Variants in LRRTM4 observed in about 807,000 individuals in gnomAD.
LRRTM4 encodes leucine-rich repeat transmembrane neuronal protein 4.
A neutral mutation model predicts 47.6 loss-of-function variants in LRRTM4; 25 were observed. The ratio of observed to expected loss-of-function variants is 0.53; its 90% CI spans 0.38 to 0.73. The LOEUF (loss-of-function observed/expected upper bound fraction) is 0.73. LRRTM4 is among the 30% of genes least tolerant of loss of function. The probability of loss-of-function intolerance (pLI) is 0.00; values close to 1 mark genes in which losing one functional copy is unlikely to be tolerated. For missense variants in LRRTM4, 638 were observed against 713.4 expected (o/e 0.89, Z 1.20); for synonymous variants, 311 against 269.5 (o/e 1.15, Z -1.51).
intron 3 of LRRTM4, among the ~76,000 whole-genome samples, chr2:76,867,583 T>C (rs944226210): frequency 6.6e-6 from 1 of 152,174 alleles, no homozygotes; most frequent in African/African-American, 2.4e-5. Flanking sequence ...GGCTTTTCAG[T>C]TGAAGAGATA....
chr2:76,893,735 A>G (rs1289296461), intron 3 of LRRTM4, among the ~76,000 whole-genome samples: 1 of 151,850 alleles, frequency 6.6e-6, no homozygotes, highest in Non-Finnish European at 1.5e-5. Context: ...GAGGTAGAAC[A>G]GATTTCAGCT....
intron 3 of LRRTM4, among the ~76,000 whole-genome samples, chr2:76,795,322 GTTCATCT>G (rs1675220125): frequency 6.6e-6 from 1 of 151,020 alleles, no homozygotes; most frequent in Admixed American, 6.6e-5. Context: ...TATATATGTA[GTTCATCT>G]TTCATGTCTG....
chr2:76,963,252 C>A (rs1675919555), intron 3 of LRRTM4, among the ~76,000 whole-genome samples: 1 of 150,620 alleles, frequency 6.6e-6, no homozygotes, highest in Admixed American at 6.6e-5. Context: ...AGACTACAAA[C>A]CAAGGGTCAA....
intron 3 of LRRTM4, among the ~76,000 whole-genome samples, chr2:76,750,176 C>A (rs778709445): frequency 2.0e-4 from 30 of 152,208 alleles, no homozygotes; most frequent in Non-Finnish European, 3.5e-4. Flanking sequence ...CTGGCTATAT[C>A]AATTTATTCC....
intron 3 of LRRTM4, among the ~76,000 whole-genome samples, chr2:77,046,383 C>A (rs187164874): frequency 2.0e-5 from 3 of 151,848 alleles, no homozygotes; most frequent in Non-Finnish European, 4.4e-5. Context: ...GATTTTTTTT[C>A]TAGAAAAATA....
At chr2:76,943,108 TCA>T (rs1177685737) in intron 3 of LRRTM4, among the ~76,000 whole-genome samples, 1 of 152,172 alleles carries the variant, frequency 6.6e-6, no homozygotes, top group African/African-American at 2.4e-5. Context: ...AGCCCTGCCT[TCA>T]CACTAGAATT....
intron 3 of LRRTM4, among the ~76,000 whole-genome samples, chr2:76,976,104 C>A (rs1042714894): frequency 6.6e-6 from 1 of 151,672 alleles, no homozygotes; most frequent in Non-Finnish European, 1.5e-5. Flanking sequence ...GGGTTTTAAA[C>A]CTTTATACAA....
chr2:76,973,340 A>T (rs1403204411), intron 3 of LRRTM4, among the ~76,000 whole-genome samples: 1 of 151,998 alleles, frequency 6.6e-6, no homozygotes, highest in African/African-American at 2.4e-5. Flanking sequence ...TCCCAATTAG[A>T]TTGAATAGCT....
chr2:77,017,230 C>T (rs1249575073), intron 3 of LRRTM4, among the ~76,000 whole-genome samples: 1 of 152,082 alleles, frequency 6.6e-6, no homozygotes, highest in East Asian at 1.9e-4. Flanking sequence ...AAGGCCTGAC[C>T]TCCTGTTGTT....
chr2:77,360,576 A>G (rs1672171581), intron 3 of LRRTM4, among the ~76,000 whole-genome samples: 1 of 151,970 alleles, frequency 6.6e-6, no homozygotes, highest in Admixed American at 6.6e-5. Flanking sequence ...ATACATACAT[A>G]CATACATACA....
In LRRTM4 at chr2:77,425,141, A is replaced by C. The variant is rs562197940; in HGVS notation, c.1551+93177T>G. Among the ~76,000 whole-genome samples the C allele has an allele frequency of 2.0e-5, 3 of 150,914 alleles. No homozygotes were observed. In the East Asian group the frequency reaches 5.8e-4, roughly 29 times the overall value. On this transcript the variant is annotated intron_variant, in intron 3 of 3. Coordinates refer to ENST00000409884, the MANE Select transcript of LRRTM4 (RefSeq NM_001134745.3). ...TTAAAGATTTTCATTTATATTCCTT[A>C]AGTTTTTCTTCTATATTTTATTCAT...
chr2:77,135,236 T>G (rs1287135966), intron 3 of LRRTM4, among the ~76,000 whole-genome samples: 1 of 152,210 alleles, frequency 6.6e-6, no homozygotes, highest in Non-Finnish European at 1.5e-5. Context: ...TAGCATTAAA[T>G]GACTCCAGAG....
At chr2:77,335,171 A>T (rs1671115869) in intron 3 of LRRTM4, among the ~76,000 whole-genome samples, 1 of 152,136 alleles carries the variant, frequency 6.6e-6, no homozygotes, top group Admixed American at 6.6e-5. Flanking sequence ...TATAGCATGG[A>T]ATTTGAACTT....
chr2:77,335,499 T>C (rs1428584566), intron 3 of LRRTM4, among the ~76,000 whole-genome samples: 7 of 152,174 alleles, frequency 4.6e-5, no homozygotes, highest in African/African-American at 1.4e-4. Flanking sequence ...TTAAGTACGT[T>C]CTCAAGTTGC....
In LRRTM4 at chr2:77,335,983, G is replaced by A. The variant is rs181315468; in HGVS notation, c.1551+182335C>T. On this transcript the variant is annotated intron_variant, in intron 3 of 3. Transcript: ENST00000409884. ...TACAAAAATGAATGGGAGTAACTGG[G>A]TTCACTTAAAGAAATAGGCAGTGGG... Among the ~76,000 whole-genome samples, 4 of 152,148 alleles carry A rather than the reference G, an allele frequency of 2.6e-5. No homozygotes were observed. In the East Asian group the frequency reaches 7.8e-4, roughly 29 times the overall value.
At chr2:77,516,500 A>T (rs764918766) in intron 3 of LRRTM4, among the ~76,000 whole-genome samples, 8 of 151,838 alleles carry the variant, frequency 5.3e-5, no homozygotes, top group Non-Finnish European at 1.2e-4. Context: ...AGAGAAAATG[A>T]ATTAATGCGT....
intron 3 of LRRTM4, among the ~76,000 whole-genome samples, chr2:76,839,282 A>G (rs1320907851): frequency 1.3e-5 from 2 of 152,122 alleles, no homozygotes; most frequent in Non-Finnish European, 2.9e-5. Flanking sequence ...GAAGCTCTGA[A>G]AGCACCAACA....
At position 76,837,775 on chromosome 2, in the gene LRRTM4, T is replaced by G. The variant is rs573684341; in HGVS notation, c.1552-88859A>C. ...GCAGCCACAAAAAATTATGAGTTCA[T>G]GTCCTTTGTAGGGACATGGATGAAA... On this transcript the variant is annotated intron_variant, in intron 3 of 3. Coordinates refer to ENST00000409884, the MANE Select transcript of LRRTM4 (RefSeq NM_001134745.3). 3.3e-5 allele frequency among the ~76,000 whole-genome samples: 5 copies of G among 152,188 alleles called. No individual in the cohort carries two copies. The South Asian group carries it at 1.0e-3, about 31-fold the overall frequency.
intron 3 of LRRTM4, among the ~76,000 whole-genome samples, chr2:77,396,088 C>T (rs1673689127): frequency 6.6e-6 from 1 of 151,798 alleles, no homozygotes; most frequent in East Asian, 1.9e-4. Flanking sequence ...CACTTAGGTG[C>T]TATCATTAGG....
Sources: gnomAD v4.1 joint callset for allele counts (sites outside exome capture counted in the v4.1 genomes callset) on GRCh38, gnomAD v4.1.1 for gene constraint, MANE v1.5 for transcripts, NCBI Gene and HGNC (gene_info 2026-07-23, HGNC 2026-07-21) for gene names.